Variants in UBR1 observed in about 807,000 individuals in gnomAD.
UBR1 encodes the protein E3 ubiquitin-protein ligase UBR1.
In UBR1, 102 loss-of-function variants were observed where a neutral mutation model predicts 242.1. That is an observed-to-expected ratio of 0.42 (90% CI 0.36 to 0.50). UBR1 has a LOEUF of 0.50. Among genes scored for constraint, UBR1 ranks in the 20% least tolerant of loss-of-function variants. UBR1 has a pLI of 0.01. For missense variants in UBR1, 1,772 were observed against 2,101.8 expected (o/e 0.84, Z 3.07); for synonymous variants, 675 against 684.8 (o/e 0.99, Z 0.22).
At chr15:43,063,309 G>A (rs912427962) in intron 6 of UBR1, among the ~76,000 whole-genome samples, 4 of 152,202 alleles carry the variant, frequency 2.6e-5, no homozygotes, top group African/African-American at 7.2e-5. Context: ...CGTTCCATAT[G>A]AAAACCGACA....
intron 3 of UBR1, among the ~76,000 whole-genome samples, chr15:43,075,940 A>C (rs1256138586): frequency 6.7e-6 from 1 of 149,028 alleles, no homozygotes; most frequent in Non-Finnish European, 1.5e-5. Context: ...AATTAAACAA[A>C]CTTAAAAAAA....
chr15:42,950,642 T>G (rs2031819447), intron 45 of UBR1: 3 of 419,898 alleles, frequency 7.1e-6, no homozygotes, highest in South Asian at 4.9e-5. Context: ...CTGTCCTACT[T>G]CAGCCACAGA....
chr15:42,981,603 C>T (rs1005909406), intron 37 of UBR1, among the ~76,000 whole-genome samples: 2 of 152,096 alleles, frequency 1.3e-5, no homozygotes, highest in Non-Finnish European at 2.9e-5. Flanking sequence ...CATTCTCCTG[C>T]CTCAGCCTCC....
chr15:42,970,608 C>G lies in UBR1; in HGVS notation c.4370-1G>C. ...TCTTGAACCTGAGCAAGGGGTAGGC[C>G]TGAAAAAGAAATTCTGCAAGATGAA... On this transcript the variant is annotated splice_acceptor_variant, in intron 39 of 46. Transcript: ENST00000290650. LOFTEE classifies it high-confidence loss of function. 6.2e-7 allele frequency: 1 copy of G among 1,613,358 alleles called. No individual in the cohort carries two copies. Among genetic ancestry groups the G allele is most frequent in the East Asian group, 2.2e-5 (1 of 44,868 alleles).
At chr15:43,092,243 C>T (rs910111478) in intron 1 of UBR1, among the ~76,000 whole-genome samples, 1 of 152,128 alleles carries the variant, frequency 6.6e-6, no homozygotes, top group Non-Finnish European at 1.5e-5. Context: ...CCAACCTTAG[C>T]GAATCCTTCA....
intron 4 of UBR1, among the ~76,000 whole-genome samples, chr15:43,071,413 A>G (rs1253168964): frequency 6.6e-6 from 1 of 152,230 alleles, no homozygotes; most frequent in Non-Finnish European, 1.5e-5. Context: ...AGTAGTCATA[A>G]TAATAGAAGC....
intron 37 of UBR1, among the ~76,000 whole-genome samples, chr15:42,979,767 A>T (rs780060555): frequency 6.6e-6 from 1 of 152,096 alleles, no homozygotes; most frequent in Admixed American, 6.6e-5. Flanking sequence ...CACGTTGGCC[A>T]GGCTGGTCTT....
chr15:43,071,686 A>C (rs1275446395), intron 4 of UBR1, among the ~76,000 whole-genome samples: 1 of 152,250 alleles, frequency 6.6e-6, no homozygotes, highest in African/African-American at 2.4e-5. Flanking sequence ...CAAATAGCAG[A>C]AACATGACTA....
intron 1 of UBR1, among the ~76,000 whole-genome samples, chr15:43,099,848 A>G (rs1323628722): frequency 6.6e-6 from 1 of 152,124 alleles, no homozygotes; most frequent in Non-Finnish European, 1.5e-5. Flanking sequence ...GGAGTATAGA[A>G]AGGGTGCTAT....
chr15:43,092,824 T>C (rs1005643608), intron 1 of UBR1, among the ~76,000 whole-genome samples: 1 of 152,222 alleles, frequency 6.6e-6, no homozygotes, highest in Admixed American at 6.5e-5. Flanking sequence ...AGTGCTGGGA[T>C]TACAGGCGTG....
chr15:42,990,886 T>A (rs1222532062), intron 33 of UBR1, among the ~76,000 whole-genome samples: 1 of 152,214 alleles, frequency 6.6e-6, no homozygotes, highest in African/African-American at 2.4e-5. Context: ...TGTAGCTCCA[T>A]TTCCTTGTCA....
At chr15:43,032,501 T>A (rs1387355584) in intron 20 of UBR1, 67 bp downstream of exon 20, 2 of 1,079,940 alleles carry the variant, frequency 1.9e-6, no homozygotes, top group Non-Finnish European at 2.8e-6. Flanking sequence ...TCAATTATAG[T>A]TCATATAAAT....
chr15:42,957,484 T>C (rs2031942133), intron 44 of UBR1, among the ~76,000 whole-genome samples: 1 of 152,204 alleles, frequency 6.6e-6, no homozygotes, highest in African/African-American at 2.4e-5. Flanking sequence ...CTGTACACTT[T>C]ATCATGGTTC....
At chr15:43,070,984 G>T in intron 4 of UBR1, 59 bp from the exon 5 acceptor site, 3 of 1,591,332 alleles carry the variant, frequency 1.9e-6, no homozygotes, top group Non-Finnish European at 1.7e-6. Context: ...AATGGATAAG[G>T]AAGGTAATGT....
chr15:43,076,213 C>A (rs1280195436), intron 3 of UBR1, among the ~76,000 whole-genome samples: 15 of 152,116 alleles, frequency 9.9e-5, no homozygotes, highest in Admixed American at 9.2e-4. Flanking sequence ...AGCCCCTAAC[C>A]GCGAGTGATC....
At chr15:43,050,527 C>T (rs1039539729) in intron 12 of UBR1, among the ~76,000 whole-genome samples, 11 of 152,044 alleles carry the variant, frequency 7.2e-5, no homozygotes, top group African/African-American at 1.9e-4. Context: ...CTGGGCAACA[C>T]GGTGAAACCC....
chr15:43,043,419 A>C (rs1434305774), intron 14 of UBR1, 24 bp from the exon 15 acceptor site: 2 of 1,611,736 alleles, frequency 1.2e-6, no homozygotes, highest in African/African-American at 2.7e-5. Context: ...AAGATACAAA[A>C]AGTTGACAAG....
intron 37 of UBR1, among the ~76,000 whole-genome samples, chr15:42,980,943 C>T (rs905487898): frequency 3.3e-5 from 5 of 152,144 alleles, no homozygotes; most frequent in African/African-American, 7.2e-5. Flanking sequence ...TAAAACAATA[C>T]TCATCACTTT....
chr15:43,049,548 A>G (rs1441662155), intron 12 of UBR1, among the ~76,000 whole-genome samples: 1 of 152,170 alleles, frequency 6.6e-6, no homozygotes, highest in Non-Finnish European at 1.5e-5. Context: ...GGGTGACAGC[A>G]TGACACACAA....
Sources: gnomAD v4.1 joint callset for allele counts (sites outside exome capture counted in the v4.1 genomes callset) on GRCh38, gnomAD v4.1.1 for gene constraint, MANE v1.5 for transcripts, NCBI Gene and HGNC (gene_info 2026-07-23, HGNC 2026-07-21) for gene names.